Variants in PDE4B observed in about 807,000 individuals in gnomAD.
PDE4B encodes the protein phosphodiesterase 4B.
A neutral mutation model predicts 82.2 loss-of-function variants in PDE4B; 20 were observed. The observed-to-expected ratio is 0.24, with a 90% confidence interval of 0.17 to 0.35. The LOEUF (loss-of-function observed/expected upper bound fraction) is 0.35. PDE4B is among the 10% of genes least tolerant of loss of function. The probability of loss-of-function intolerance (pLI) is 1.00; values close to 1 mark genes in which losing one functional copy is unlikely to be tolerated. For synonymous variants in PDE4B, 320 were observed against 318.9 expected, an observed-to-expected ratio of 1.00 and a Z score of -0.04; for missense variants, 655 against 907.2, an observed-to-expected ratio of 0.72 and a Z score of 3.57.
chr1:65,967,262 C>G (rs962429709), intron 3 of PDE4B, among the ~76,000 whole-genome samples: 1 of 152,192 alleles, frequency 6.6e-6, no homozygotes, highest in Admixed American at 6.5e-5. Context: ...GACATTTATA[C>G]AGCCAACACG....
In PDE4B at chr1:66,364,871, T is replaced by C. The variant is rs569233696; in HGVS notation, c.1285-796T>C. Among the ~76,000 whole-genome samples the C allele has an allele frequency of 1.3e-4, 20 of 152,292 alleles. No homozygotes were observed. The South Asian group carries it at 1.5e-3, about 11-fold the overall frequency. On this transcript the variant is annotated intron_variant, in intron 12 of 16. Transcript: ENST00000341517. Reference sequence around the variant, plus strand: ...GAGAGCTCAATGAGTGCTTGGGTAATGTGATTGGTCTTTATAGGAGAGGTG... The same window carrying C: ...GAGAGCTCAATGAGTGCTTGGGTAACGTGATTGGTCTTTATAGGAGAGGTG...
chr1:66,116,730 A>T (rs1281058501), intron 3 of PDE4B, among the ~76,000 whole-genome samples: 2 of 151,798 alleles, frequency 1.3e-5, no homozygotes, highest in African/African-American at 4.8e-5. Context: ...CACCCGGCTG[A>T]TCTTTGTATT....
intron 7 of PDE4B, chr1:66,266,673 A>ACAGTGCAT (rs1033127371): frequency 3.8e-6 from 2 of 527,022 alleles, no homozygotes; most frequent in Admixed American, 2.0e-5. Flanking sequence ...ATCTTTCAGG[A>ACAGTGCAT]CAGTGCATCC....
At chr1:65,971,149 C>G (rs1438966283) in intron 3 of PDE4B, among the ~76,000 whole-genome samples, 3 of 151,572 alleles carry the variant, frequency 2.0e-5, no homozygotes, top group Non-Finnish European at 4.4e-5. Flanking sequence ...AAATTAGAGA[C>G]AGTGAAGCCT....
intron 3 of PDE4B, chr1:65,992,964 A>G: frequency 6.2e-7 from 1 of 1,613,968 alleles, no homozygotes; most frequent in Non-Finnish European, 8.5e-7. Flanking sequence ...GGTTTGCATA[A>G]AGACTTTCAA....
intron 3 of PDE4B, among the ~76,000 whole-genome samples, chr1:66,236,049 T>G (rs914189709): frequency 6.6e-6 from 1 of 152,238 alleles, no homozygotes; most frequent in East Asian, 1.9e-4. Flanking sequence ...ATTTATATCG[T>G]AAAAAGTACA....
intron 1 of PDE4B, among the ~76,000 whole-genome samples, chr1:65,902,827 C>T (rs191281845): frequency 2.4e-4 from 36 of 152,132 alleles, no homozygotes; most frequent in Admixed American, 4.6e-4. Flanking sequence ...TTTTAGAATG[C>T]TTTCCAATAT....
intron 3 of PDE4B, among the ~76,000 whole-genome samples, chr1:66,101,683 G>T (rs1157231642): frequency 3.3e-5 from 5 of 151,992 alleles, no homozygotes; most frequent in South Asian, 2.1e-4. Flanking sequence ...GGGGTTGTTT[G>T]TTTTTTTCTT....
At chr1:66,281,604 G>A (rs1026899626) in intron 7 of PDE4B, among the ~76,000 whole-genome samples, 1 of 152,164 alleles carries the variant, frequency 6.6e-6, no homozygotes, top group Non-Finnish European at 1.5e-5. Context: ...TGATGGAACT[G>A]TGTTTTGGTA....
intron 3 of PDE4B, among the ~76,000 whole-genome samples, chr1:66,057,388 C>T (rs900951006): frequency 1.3e-5 from 2 of 152,142 alleles, no homozygotes; most frequent in Admixed American, 6.5e-5. Flanking sequence ...GGATAAGGGC[C>T]TCTTTCTTTC....
At chr1:65,797,385 T>C (rs1026217869) in intron 1 of PDE4B, among the ~76,000 whole-genome samples, 2 of 152,246 alleles carry the variant, frequency 1.3e-5, no homozygotes, top group African/African-American at 4.8e-5. Context: ...TTAGCTATTG[T>C]GTTAGAAGGC....
At chr1:66,371,700 C>T (rs891546962) in intron 16 of PDE4B, among the ~76,000 whole-genome samples, 1 of 152,154 alleles carries the variant, frequency 6.6e-6, no homozygotes, top group Non-Finnish European at 1.5e-5. Flanking sequence ...AACTCCTCTA[C>T]CAGCCAAAAG....
At chr1:65,828,633 G>A (rs1646046519) in intron 1 of PDE4B, among the ~76,000 whole-genome samples, 2 of 152,020 alleles carry the variant, frequency 1.3e-5, no homozygotes, top group Non-Finnish European at 2.9e-5. Context: ...ATAATCAAGT[G>A]AAATTTATGA....
At chr1:66,123,594 A>T (rs1156516602) in intron 3 of PDE4B, among the ~76,000 whole-genome samples, 3 of 118,170 alleles carry the variant, frequency 2.5e-5, no homozygotes, top group Admixed American at 9.7e-5. Context: ...TTTTTTTTTT[A>T]AAGGCTTTAA....
chr1:65,843,695 T>C (rs1422802194), intron 1 of PDE4B, among the ~76,000 whole-genome samples: 1 of 152,180 alleles, frequency 6.6e-6, no homozygotes, highest in Non-Finnish European at 1.5e-5. Flanking sequence ...CCCTTAAGTC[T>C]GCTTTTATCT....
intron 3 of PDE4B, among the ~76,000 whole-genome samples, chr1:66,190,598 G>C (rs1410560908): frequency 1.3e-5 from 2 of 152,208 alleles, no homozygotes; most frequent in African/African-American, 4.8e-5. Context: ...TGCTGTGCTA[G>C]CAATGAGTGA....
chr1:66,142,773 C>T (rs1646198129), intron 3 of PDE4B, among the ~76,000 whole-genome samples: 1 of 152,108 alleles, frequency 6.6e-6, no homozygotes, highest in South Asian at 2.1e-4. Flanking sequence ...GTGCTTTGAT[C>T]TTTTGTTATC....
At chr1:66,189,489 C>T (rs1015968098) in intron 3 of PDE4B, among the ~76,000 whole-genome samples, 9 of 152,084 alleles carry the variant, frequency 5.9e-5, no homozygotes, top group African/African-American at 1.7e-4. Context: ...GTAGATTTGG[C>T]CTTTTCACAT....
At chr1:66,084,193 A>G (rs1656886632) in intron 3 of PDE4B, among the ~76,000 whole-genome samples, 1 of 152,170 alleles carries the variant, frequency 6.6e-6, no homozygotes, top group Non-Finnish European at 1.5e-5. Flanking sequence ...AAGTGGGGAC[A>G]AAGTTGCTGG....
Sources: gnomAD v4.1 joint callset for allele counts (sites outside exome capture counted in the v4.1 genomes callset) on GRCh38, gnomAD v4.1.1 for gene constraint, MANE v1.5 for transcripts, NCBI Gene and HGNC (gene_info 2026-07-23, HGNC 2026-07-21) for gene names.